Variants in TMEM100 observed in about 807,000 individuals in gnomAD.
The protein encoded by TMEM100 is transmembrane protein 100.
For synonymous variants in TMEM100, 61 were observed against 67.1 expected, an observed-to-expected ratio of 0.91 and a Z score of 0.44; for missense variants, 137 against 168.2, an observed-to-expected ratio of 0.81 and a Z score of 1.02.
At chr17:55,730,479 C>T (rs1909176726) in intron 1 of TMEM100, among the ~76,000 whole-genome samples, 1 of 152,128 alleles carries the variant, frequency 6.6e-6, no homozygotes, top group African/African-American at 2.4e-5. Flanking sequence ...GCATGTCTTC[C>T]TAATCCCTGT....
Position 55,720,658 on chromosome 17 carries a change from A to T in TMEM100, c.*8T>A. 1 of 1,592,780 alleles carries T rather than the reference A, an allele frequency of 6.3e-7. No homozygotes were observed. Among genetic ancestry groups the T allele is most frequent in the Middle Eastern group, 1.7e-4 (1 of 5,892 alleles). On this transcript the variant is annotated 3_prime_UTR_variant, in exon 2 of 2. Transcript: ENST00000424486. ...CAGGCCCAATGGCCCATTTGGTCGT[A>T]TTCAGTCTCAAGCAAACAAGCTTCT... is the stretch of plus-strand genomic sequence containing the variant.
At chr17:55,725,303 A>G (rs188567277), upstream of TMEM100, among the ~76,000 whole-genome samples, 80 of 152,172 alleles carry the variant, frequency 5.3e-4, no homozygotes, top group African/African-American at 1.7e-3. Context: ...CGAGCCCTCT[A>G]TTTTCACAAA....
rs1490775795 is a variant in TMEM100, at chr17:55,721,111, C to A, written c.-41G>T. 2.2e-5 allele frequency: 34 copies of A among 1,560,426 alleles called. No homozygotes were observed. The highest frequency in any genetic ancestry group is 1.8e-4 in the Middle Eastern group (1 of 5,712). On this transcript the variant is annotated 5_prime_UTR_variant, in exon 2 of 2. Coordinates refer to ENST00000424486, the MANE Select transcript of TMEM100 (RefSeq NM_018286.3). The stretch of plus-strand genomic sequence containing the variant: ...TCTAAGCTGGGTTTACAGACTAGAT[C>A]TGGACAGTCTCACCAGGGTGAAAGC...
upstream of TMEM100, among the ~76,000 whole-genome samples, chr17:55,724,621 C>T (rs1371452172): frequency 6.6e-6 from 1 of 152,150 alleles, no homozygotes; most frequent in Non-Finnish European, 1.5e-5. Context: ...AAACTCTGGC[C>T]CTTGAGGGCA....
chr17:55,729,436 C>A (rs9894105), intron 1 of TMEM100, among the ~76,000 whole-genome samples: 2,547 of 151,994 alleles, frequency 0.017, 74 homozygotes, highest in African/African-American at 0.058. Context: ...AGATGTGGGG[C>A]GAGGAATATG....
chr17:55,731,336 T>C (rs1909200530), intron 1 of TMEM100, among the ~76,000 whole-genome samples: 1 of 152,290 alleles, frequency 6.6e-6, no homozygotes, highest in East Asian at 1.9e-4. Context: ...CACAATAAAA[T>C]GAACATTTCT....
Position 55,720,730 on chromosome 17 carries a change from T to A in TMEM100, c.341A>T (p.Lys114Met). 1 of 1,614,166 alleles carries A rather than the reference T, an allele frequency of 6.2e-7. No individual in the cohort carries two copies. Among genetic ancestry groups the A allele is most frequent in the Non-Finnish European group, 8.5e-7 (1 of 1,180,016 alleles). ...ALCWKVRQRS[K>M]KAKRRESQTA... ...TTGACTCTCCCGTCTCTTGGCTTTC[T>A]TGCTCCTTTGTCTCACTTTCCAGCA... Residue 114 changes from lysine (K) to methionine (M), a missense_variant, in exon 2 of 2, where the codon AAG becomes ATG. Coordinates refer to ENST00000424486, the MANE Select transcript of TMEM100 (RefSeq NM_018286.3).
chr17:55,724,831 G>A (rs1398302043), upstream of TMEM100, among the ~76,000 whole-genome samples: 2 of 152,168 alleles, frequency 1.3e-5, no homozygotes, highest in African/African-American at 4.8e-5. Context: ...ATGAGGCGCA[G>A]TGAGTGTGTC....
Position 55,721,052 on chromosome 17 carries a change from T to C in TMEM100, c.19A>G (p.Lys7Glu), listed in dbSNP as rs1567921602. 1 of 1,611,918 alleles carries C rather than the reference T, an allele frequency of 6.2e-7. No homozygotes were observed. The highest frequency in any genetic ancestry group is 1.1e-5 in the South Asian group (1 of 90,752). The change falls in exon 2 of 2, where the codon AAG becomes GAG. Residue 7 changes from lysine (K) to glutamate (E), a missense_variant. Coordinates refer to ENST00000424486, the MANE Select transcript of TMEM100 (RefSeq NM_018286.3). MTEEPIKEILGAPKAHM... is the reference protein window; with the variant it reads MTEEPIEEILGAPKAHM... ...GCCTTTGGGGCTCCCAGGATCTCCT[T>C]GATGGGCTCTTCAGTCATTTTTACA...
chr17:55,724,527 C>T (rs914907273), upstream of TMEM100, among the ~76,000 whole-genome samples: 1 of 152,054 alleles, frequency 6.6e-6, no homozygotes, highest in African/African-American at 2.4e-5. Flanking sequence ...AAGTTGCCCC[C>T]GGAAGATGGT....
Position 55,731,151 on chromosome 17 carries a change from G to C in TMEM100, c.-359+520C>G, listed in dbSNP as rs573726285. The stretch of plus-strand genomic sequence containing the variant: ...GTATGATGGACTCAGTAGTCTCAGG[G>C]AAACCTTGCTTCCCTGATTTATTTC... On this transcript the variant is annotated intron_variant, in intron 1 of 3. Coordinates refer to the TMEM100 transcript ENST00000575734. Among the ~76,000 whole-genome samples the C allele has an allele frequency of 6.6e-5, 10 of 152,254 alleles. No individual in the cohort carries two copies. In the East Asian group the frequency reaches 1.9e-3, roughly 29 times the overall value.
exon 1 of TMEM100, chr17:55,731,836 G>A (rs953368407): frequency 1.3e-5 from 2 of 152,218 alleles, no homozygotes; most frequent in Non-Finnish European, 2.9e-5. Flanking sequence ...AATGCAGTAA[G>A]GAGCATGGGG....
At chr17:55,731,326 C>T (rs531216956) in intron 1 of TMEM100, among the ~76,000 whole-genome samples, 1 of 152,178 alleles carries the variant, frequency 6.6e-6, no homozygotes, top group South Asian at 2.1e-4. Context: ...GGATCGCTTC[C>T]ACAATAAAAT....
upstream of TMEM100, among the ~76,000 whole-genome samples, chr17:55,724,042 T>A (rs912218594): frequency 6.6e-6 from 1 of 152,198 alleles, no homozygotes; most frequent in African/African-American, 2.4e-5. Context: ...CATCCTCCAT[T>A]TTTTCATCTG....
chr17:55,720,709 C>T lies in TMEM100; in HGVS notation c.362G>A (p.Ser121Asn). 6.2e-7 allele frequency: 1 copy of T among 1,613,402 alleles called. No individual in the cohort carries two copies. Among genetic ancestry groups the T allele is most frequent in the Non-Finnish European group, 8.5e-7 (1 of 1,179,680 alleles). The part of the protein sequence containing the change: ...QRSKKAKRRE[S>N]QTALVANQRS... ...CTGATTTGCCACGAGAGCTGTTTGA[C>T]TCTCCCGTCTCTTGGCTTTCTTGCT... The change falls in exon 2 of 2, where the codon AGT (serine) becomes AAT (asparagine). Residue 121 changes from serine (S) to asparagine (N), a missense_variant. Transcript: ENST00000424486.
upstream of TMEM100, among the ~76,000 whole-genome samples, chr17:55,724,650 G>T (rs1005322098): frequency 6.6e-6 from 1 of 152,186 alleles, no homozygotes; most frequent in South Asian, 2.1e-4. Context: ...CTATTTTCTA[G>T]TACCACTTTG....
At chr17:55,725,221 C>A (rs990511521), upstream of TMEM100, among the ~76,000 whole-genome samples, 4 of 152,084 alleles carry the variant, frequency 2.6e-5, no homozygotes, top group Non-Finnish European at 5.9e-5. Flanking sequence ...ATTAAACACC[C>A]CTGGGCATCC....
In TMEM100 at chr17:55,720,965, G is replaced by C. The variant is rs146895873; in HGVS notation, c.106C>G (p.Leu36Val). ...KSEVVITTVPLVSEIQLMAAT... is the reference protein window; with the variant it reads ...KSEVVITTVPVVSEIQLMAAT... ...GCCATCAACTGAATCTCACTGACCA[G>C]AGGGACTGTGGTGATCACAACTTCA... Residue 36 changes from leucine (L) to valine (V), a missense_variant, in exon 2 of 2, where the codon CTG becomes GTG. Coordinates refer to ENST00000424486, the MANE Select transcript of TMEM100 (RefSeq NM_018286.3). 4.3e-4 allele frequency: 697 copies of C among 1,614,234 alleles called. No homozygotes were observed. The highest frequency in any genetic ancestry group is 5.5e-4 in the Non-Finnish European group (651 of 1,180,038).
At chr17:55,725,153 G>A (rs2144867986), upstream of TMEM100, among the ~76,000 whole-genome samples, 1 of 152,258 alleles carries the variant, frequency 6.6e-6, no homozygotes, top group South Asian at 2.1e-4. Flanking sequence ...AATTCCTAGT[G>A]ATCTATGCCT....
Sources: gnomAD v4.1 joint callset for allele counts (sites outside exome capture counted in the v4.1 genomes callset) on GRCh38, gnomAD v4.1.1 for gene constraint, MANE v1.5 for transcripts, NCBI Gene and HGNC (gene_info 2026-07-23, HGNC 2026-07-21) for gene names.